LPP: variants seen among roughly 807,000 people sequenced by gnomAD.
LPP encodes the protein lipoma-preferred partner.
A neutral mutation model predicts 60.4 loss-of-function variants in LPP; 38 were observed. That is an observed-to-expected ratio of 0.63 (90% CI 0.49 to 0.83). The LOEUF (loss-of-function observed/expected upper bound fraction) is 0.83. LPP is among the 40% of genes least tolerant of loss of function. The pLI, the probability that LPP is intolerant of heterozygous loss-of-function variation, is 0.00. For missense variants in LPP, 902 were observed against 783.6 expected, an observed-to-expected ratio of 1.15 and a Z score of -1.80; for synonymous variants, 328 against 290.8, an observed-to-expected ratio of 1.13 and a Z score of -1.30.
At chr3:188,261,376 A>ACACACATG (rs1733583543) in intron 2 of LPP, among the ~76,000 whole-genome samples, 1 of 152,232 alleles carries the variant, frequency 6.6e-6, no homozygotes, top group South Asian at 2.1e-4. Context: ...ACACACACAT[A>ACACACATG]CACACATGCA....
chr3:188,654,711 A>T (rs1315310636), intron 7 of LPP, among the ~76,000 whole-genome samples: 1 of 152,214 alleles, frequency 6.6e-6, no homozygotes, highest in Admixed American at 6.5e-5. Context: ...GAGTTTCTGC[A>T]TGACCCCCAA....
intron 7 of LPP, among the ~76,000 whole-genome samples, chr3:188,669,255 G>A (rs1314137583): frequency 6.6e-6 from 1 of 152,056 alleles, no homozygotes; most frequent in African/African-American, 2.4e-5. Context: ...AAACCACAAT[G>A]AGATAACATC....
intron 5 of LPP, among the ~76,000 whole-genome samples, chr3:188,495,210 TA>T (rs1247858018): frequency 8.2e-4 from 117 of 142,752 alleles, no homozygotes; most frequent in Middle Eastern, 7.4e-3. Context: ...AATATATATA[TA>T]TTTTTTTTTG....
chr3:188,257,669 C>T (rs1183046295), intron 2 of LPP, among the ~76,000 whole-genome samples: 2 of 152,192 alleles, frequency 1.3e-5, no homozygotes, highest in Admixed American at 1.3e-4. Flanking sequence ...AAGACAACTT[C>T]AAGTTGTTTT....
chr3:188,847,950 G>A (rs1761860766), intron 9 of LPP, among the ~76,000 whole-genome samples: 1 of 152,178 alleles, frequency 6.6e-6, no homozygotes, highest in Non-Finnish European at 1.5e-5. Flanking sequence ...GAAGAAGGAA[G>A]TCAGGCTCCT....
chr3:188,291,218 A>T lies in LPP; in HGVS notation c.-66-50445A>T, dbSNP rs117676547. Among the ~76,000 whole-genome samples the T allele has an allele frequency of 6.0e-4, 92 of 152,158 alleles. 1 individual carries two copies. The East Asian group carries it at 0.018, about 29-fold the overall frequency. On this transcript the variant is annotated intron_variant, in intron 2 of 11. Transcript: ENST00000617246. The stretch of plus-strand genomic sequence containing the variant: ...TTATCTTTATAAAGCCTGTGTGTGT[A>T]TGTGTGCGTGTGTGTTTGTGAAACT...
At chr3:188,179,571 A>G in intron 1 of LPP, 1 of 439,450 alleles carries the variant, frequency 2.3e-6, no homozygotes, top group Non-Finnish European at 4.6e-6. Context: ...CCCTCTCGAG[A>G]GGTCTGTCTC....
At chr3:188,739,358 A>C (rs1723621922) in intron 8 of LPP, among the ~76,000 whole-genome samples, 1 of 152,076 alleles carries the variant, frequency 6.6e-6, no homozygotes. Context: ...AGCATTTGAA[A>C]TGGGCCTTGG....
intron 7 of LPP, among the ~76,000 whole-genome samples, chr3:188,702,509 T>C (rs1009323521): frequency 6.6e-6 from 1 of 152,154 alleles, no homozygotes; most frequent in Non-Finnish European, 1.5e-5. Context: ...CTTCCCAAAC[T>C]GTGAGTTGTT....
intron 1 of LPP, among the ~76,000 whole-genome samples, chr3:188,166,424 C>T (rs1484312453): frequency 1.3e-5 from 2 of 152,198 alleles, no homozygotes; most frequent in African/African-American, 4.8e-5. Flanking sequence ...GTAGCTGGCT[C>T]AGCTTGCAGG....
intron 7 of LPP, among the ~76,000 whole-genome samples, chr3:188,705,137 T>G (rs2149652000): frequency 6.6e-6 from 1 of 152,330 alleles, no homozygotes; most frequent in South Asian, 2.1e-4. Flanking sequence ...GTAGAACTAC[T>G]TGCTGTACAA....
intron 7 of LPP, among the ~76,000 whole-genome samples, chr3:188,627,427 C>A (rs2151663017): frequency 6.6e-6 from 1 of 152,152 alleles, no homozygotes; most frequent in South Asian, 2.1e-4. Flanking sequence ...CACCTTTAGG[C>A]TCAGAATAAA....
chr3:188,541,379 C>T (rs1825131502), intron 6 of LPP, among the ~76,000 whole-genome samples: 1 of 152,174 alleles, frequency 6.6e-6, no homozygotes, highest in African/African-American at 2.4e-5. Flanking sequence ...TGTTTGTAAG[C>T]AGCACTGTCT....
At chr3:188,638,031 T>C (rs1849199259) in intron 7 of LPP, among the ~76,000 whole-genome samples, 1 of 150,584 alleles carries the variant, frequency 6.6e-6, no homozygotes, top group Non-Finnish European at 1.5e-5. Context: ...AGCATCATCC[T>C]GATACCAAAG....
chr3:188,601,532 A>C (rs1270816349), intron 6 of LPP, among the ~76,000 whole-genome samples: 1 of 152,124 alleles, frequency 6.6e-6, no homozygotes, highest in Non-Finnish European at 1.5e-5. Context: ...TCACACCATT[A>C]TGTCACTCAT....
At chr3:188,253,275 G>T (rs1012516869) in intron 2 of LPP, among the ~76,000 whole-genome samples, 2 of 151,980 alleles carry the variant, frequency 1.3e-5, no homozygotes, top group Non-Finnish European at 2.9e-5. Context: ...ACAAATTTAA[G>T]AATCATTTCT....
intron 2 of LPP, among the ~76,000 whole-genome samples, chr3:188,281,675 T>C (rs1742121895): frequency 6.6e-6 from 1 of 150,878 alleles, no homozygotes; most frequent in South Asian, 2.1e-4. Flanking sequence ...GGGGAAAATT[T>C]GTGACCATTT....
intron 2 of LPP, among the ~76,000 whole-genome samples, chr3:188,282,992 G>A (rs1255280393): frequency 6.6e-6 from 1 of 152,184 alleles, no homozygotes; most frequent in African/African-American, 2.4e-5. Context: ...GGCCTGAGGG[G>A]TTGGAAGGTC....
chr3:188,276,671 CTCTCTCTCTCTCTCTCTCTCTCTT>C (rs71167085), intron 2 of LPP, among the ~76,000 whole-genome samples: 51,817 of 106,666 alleles, frequency 0.49, 9,678 homozygotes, highest in Middle Eastern at 0.59. Flanking sequence ...CCAACTCTGT[CTCTCTCTCTCTCTCTCTCTCTCTT>C]TCTCTCTCTC....
Sources: gnomAD v4.1 joint callset for allele counts (sites outside exome capture counted in the v4.1 genomes callset) on GRCh38, gnomAD v4.1.1 for gene constraint, MANE v1.5 for transcripts, NCBI Gene and HGNC (gene_info 2026-07-23, HGNC 2026-07-21) for gene names.